The following GTF2F2 variants were observed in gnomAD, a reference collection of about 807,000 sequenced individuals.
The protein encoded by GTF2F2 is ATP-dependent helicase GTF2F2.
Under a neutral mutation model 42.2 loss-of-function variants are expected in GTF2F2, and 23 were observed. That is an observed-to-expected ratio of 0.55 (90% CI 0.39 to 0.77). The LOEUF (loss-of-function observed/expected upper bound fraction) is 0.77, where lower values mean the gene tolerates loss of function less well. Ranked by LOEUF, GTF2F2 falls within the 30% of genes least tolerant of loss-of-function variation. GTF2F2 has a pLI of 0.00. For synonymous variants in GTF2F2, 105 were observed against 100.8 expected (o/e 1.04, Z -0.25); for missense variants, 261 against 287.2 (o/e 0.91, Z 0.66).
chr13:45,172,503 CT>C (rs1176320754), intron 4 of GTF2F2, among the ~76,000 whole-genome samples: 1 of 152,018 alleles, frequency 6.6e-6, no homozygotes, highest in Non-Finnish European at 1.5e-5. Context: ...GTCTTTTTTA[CT>C]TTTCTGATGG....
intron 4 of GTF2F2, among the ~76,000 whole-genome samples, chr13:45,197,465 C>T (rs1259498054): frequency 1.3e-5 from 2 of 148,638 alleles, no homozygotes; most frequent in African/African-American, 2.5e-5. Context: ...GTGGAGATAG[C>T]GCCACTGCAC....
intron 7 of GTF2F2, among the ~76,000 whole-genome samples, chr13:45,275,298 G>A (rs1199458866): frequency 6.6e-6 from 1 of 151,888 alleles, no homozygotes; most frequent in African/African-American, 2.4e-5. Flanking sequence ...ATATAAAATG[G>A]TGTTTATTAT....
At chr13:45,123,749 G>C (rs1029933265) in intron 1 of GTF2F2, among the ~76,000 whole-genome samples, 8 of 151,138 alleles carry the variant, frequency 5.3e-5, no homozygotes, top group Non-Finnish European at 8.8e-5. Flanking sequence ...TCCAGGACCT[G>C]TACTGTTCTG....
chr13:45,185,257 A>G (rs1397505864), intron 4 of GTF2F2, among the ~76,000 whole-genome samples: 1 of 152,122 alleles, frequency 6.6e-6, no homozygotes, highest in East Asian at 1.9e-4. Context: ...ATATCCAGAT[A>G]ATCCAAATTT....
At chr13:45,255,166 C>CAAAAAAAA (rs55795620) in intron 6 of GTF2F2, among the ~76,000 whole-genome samples, 16 of 76,102 alleles carry the variant, frequency 2.1e-4, no homozygotes, top group Non-Finnish European at 4.1e-4. Context: ...GACTTTGTCT[C>CAAAAAAAA]AAAAAAAAAA....
intron 4 of GTF2F2, among the ~76,000 whole-genome samples, chr13:45,184,420 G>A (rs1056335614): frequency 7.0e-6 from 1 of 143,386 alleles, no homozygotes; most frequent in African/African-American, 2.8e-5. Flanking sequence ...ACAGGGTCTT[G>A]CTCTGTCACC....
intron 2 of GTF2F2, among the ~76,000 whole-genome samples, chr13:45,137,348 A>G (rs1423880902): frequency 6.6e-6 from 1 of 152,194 alleles, no homozygotes; most frequent in African/African-American, 2.4e-5. Context: ...CATTCTTTCT[A>G]TCCATTCATT....
At chr13:45,184,463 A>G (rs964831835) in intron 4 of GTF2F2, among the ~76,000 whole-genome samples, 4 of 147,140 alleles carry the variant, frequency 2.7e-5, no homozygotes, top group Non-Finnish European at 4.4e-5. Context: ...ATCCTACCTC[A>G]CTGCAGCCTC....
chr13:45,247,356 G>GAATA (rs1246312532), intron 5 of GTF2F2, among the ~76,000 whole-genome samples: 1 of 151,360 alleles, frequency 6.6e-6, no homozygotes, highest in Non-Finnish European at 1.5e-5. Context: ...TAAGCTTCCT[G>GAATA]AATATAAGCT....
chr13:45,266,481 C>T (rs566328785), intron 6 of GTF2F2, among the ~76,000 whole-genome samples: 10 of 152,190 alleles, frequency 6.6e-5, no homozygotes, highest in African/African-American at 2.2e-4. Context: ...GTAAAGAACC[C>T]GTTTTATAAT....
At chr13:45,158,253 T>G (rs1021797820) in intron 4 of GTF2F2, among the ~76,000 whole-genome samples, 2 of 152,222 alleles carry the variant, frequency 1.3e-5, no homozygotes, top group Admixed American at 6.5e-5. Flanking sequence ...TCTCATGAGA[T>G]CTGGTGGGTT....
chr13:45,235,709 C>T (rs1296900839), intron 5 of GTF2F2, among the ~76,000 whole-genome samples: 1 of 152,012 alleles, frequency 6.6e-6, no homozygotes, highest in African/African-American at 2.4e-5. Context: ...CCTGCCTCAG[C>T]CTCCCGAGTA....
At chr13:45,137,355 C>T (rs1274630383) in intron 2 of GTF2F2, among the ~76,000 whole-genome samples, 1 of 152,236 alleles carries the variant, frequency 6.6e-6, no homozygotes, top group African/African-American at 2.4e-5. Context: ...TCTATCCATT[C>T]ATTCTTAACC....
At chr13:45,238,632 GCCTGA>G (rs1414174817) in intron 5 of GTF2F2, among the ~76,000 whole-genome samples, 1 of 145,806 alleles carries the variant, frequency 6.9e-6, no homozygotes, top group Non-Finnish European at 1.5e-5. Context: ...GACACATCAT[GCCTGA>G]CTTGAAGTAA....
chr13:45,174,518 G>A (rs959914178), intron 4 of GTF2F2, among the ~76,000 whole-genome samples: 5 of 151,528 alleles, frequency 3.3e-5, no homozygotes, highest in Admixed American at 6.6e-5. Context: ...TAGCATTTAA[G>A]CCTTTATTCC....
intron 1 of GTF2F2, chr13:45,123,352 G>C (rs1001496642): frequency 4.6e-5 from 7 of 152,332 alleles, no homozygotes; most frequent in Non-Finnish European, 1.0e-4. Context: ...GGCAGGCCGG[G>C]TGCAGTGGCT....
chr13:45,120,547 C>T lies in GTF2F2; in HGVS notation c.-109C>T. 4.0e-6 allele frequency: 3 copies of T among 745,510 alleles called. No homozygotes were observed. Among genetic ancestry groups the T allele is most frequent in the East Asian group, 5.5e-5 (2 of 36,282 alleles). 46.2% of individuals were successfully genotyped at this position (745,510 alleles called of 1,614,324 possible). ...TGTTCTGGCAGGTAAGGAACGCCGG[C>T]TCTTCGCCTCTCAGCGCGGCTTGTC... On this transcript the variant is annotated 5_prime_UTR_variant, in exon 1 of 8. Transcript: ENST00000340473.
At chr13:45,190,940 T>TAAA (rs34236995) in intron 4 of GTF2F2, among the ~76,000 whole-genome samples, 2 of 135,318 alleles carry the variant, frequency 1.5e-5, no homozygotes. Flanking sequence ...TAATTTTCTT[T>TAAA]AAAAAAAAAA....
intron 5 of GTF2F2, among the ~76,000 whole-genome samples, chr13:45,239,373 A>C (rs929733231): frequency 6.6e-6 from 1 of 152,168 alleles, no homozygotes; most frequent in Non-Finnish European, 1.5e-5. Context: ...TAACAGAGGT[A>C]ATATAGTGAC....
Sources: gnomAD v4.1 joint callset for allele counts (sites outside exome capture counted in the v4.1 genomes callset) on GRCh38, gnomAD v4.1.1 for gene constraint, MANE v1.5 for transcripts, NCBI Gene and HGNC (gene_info 2026-07-23, HGNC 2026-07-21) for gene names.